ORC5: variants seen among roughly 807,000 people sequenced by gnomAD.
ORC5 encodes the protein origin recognition complex subunit 5.
ORC5 carries 39 observed loss-of-function variants against 58.8 expected under a neutral mutation model. That is an observed-to-expected ratio of 0.66 (90% confidence interval 0.51 to 0.87). The LOEUF is 0.87. ORC5 is among the 40% of genes least tolerant of loss of function. The pLI is 0.00. For missense variants in ORC5, 493 were observed against 506.3 expected, an observed-to-expected ratio of 0.97 and a Z score of 0.25; for synonymous variants, 218 against 177.6, an observed-to-expected ratio of 1.23 and a Z score of -1.81.
intron 12 of ORC5, among the ~76,000 whole-genome samples, chr7:104,141,171 G>C (rs2115770311): frequency 6.6e-6 from 1 of 152,258 alleles, no homozygotes; most frequent in East Asian, 1.9e-4. Flanking sequence ...AGGATGATCT[G>C]CAAAATAGTC....
intron 6 of ORC5, chr7:104,184,427 C>G (rs947447198): frequency 1.0e-5 from 4 of 387,898 alleles, no homozygotes; most frequent in Non-Finnish European, 1.8e-5. Context: ...CCACTGCACT[C>G]CAGCCTGGAC....
intron 11 of ORC5, among the ~76,000 whole-genome samples, chr7:104,162,235 C>A (rs972337776): frequency 6.6e-6 from 1 of 152,138 alleles, no homozygotes; most frequent in Non-Finnish European, 1.5e-5. Context: ...TACAGTGACA[C>A]GATCTTGGCT....
At position 104,205,084 on chromosome 7, in the gene ORC5, C is replaced by CTTTTTTTTTTT. The variant is rs769195880; in HGVS notation, c.73-851_73-850insAAAAAAAAAAA. On this transcript the variant is annotated intron_variant, in intron 1 of 13. Transcript: ENST00000297431. Reference sequence around the variant, plus strand: ...GGGAAAACTTGATTTTTTAATAATACTCTTTTTTTTTTTTTTTTTTTTTGA... The same window carrying CTTTTTTTTTTT: ...GGGAAAACTTGATTTTTTAATAATACTTTTTTTTTTTTCTTTTTTTTTTTTTTTTTTTTTGA... 6.4e-4 allele frequency among the ~76,000 whole-genome samples: 66 copies of CTTTTTTTTTTT among 102,368 alleles called. 2 individuals carry two copies. Among genetic ancestry groups the CTTTTTTTTTTT allele is most frequent in the African/African-American group, 2.0e-3 (59 of 29,316 alleles). The allele number at this position is 102,368 out of a possible 152,430, so 67.2% of individuals were successfully genotyped here.
At chr7:104,160,980 T>C (rs893582827) in intron 12 of ORC5, 92 bp downstream of exon 12, 11 of 760,460 alleles carry the variant, frequency 1.4e-5, no homozygotes, top group Non-Finnish European at 2.3e-5. Flanking sequence ...TAACATATGT[T>C]GAACAAAAAT....
intron 12 of ORC5, among the ~76,000 whole-genome samples, chr7:104,142,093 A>C (rs1798683028): frequency 6.6e-6 from 1 of 152,168 alleles, no homozygotes; most frequent in Non-Finnish European, 1.5e-5. Context: ...CACACATATA[A>C]GGTCAACTAA....
chr7:104,196,207 G>T (rs555151910), intron 4 of ORC5, among the ~76,000 whole-genome samples: 2 of 136,982 alleles, frequency 1.5e-5, no homozygotes, highest in East Asian at 4.3e-4. Context: ...GCATAAGGAG[G>T]AAAAAACAGG....
chr7:104,136,709 C>CTAA lies in ORC5; in HGVS notation c.1262+69_1262+71dup. ...ATTTTTTCATGTTTAAATGTCATGA[C>CTAA]TAATGACATCACATTTGGAAAACAC... On this transcript the variant is annotated intron_variant, in intron 13 of 13. Transcript: ENST00000297431. This position sits in a 1 kb window ranked among gnomAD's most constrained non-coding sequence, Gnocchi z 4.2. The CTAA allele has an allele frequency of 1.1e-6, 1 of 942,960 alleles. No individual in the cohort carries two copies. The highest frequency in any genetic ancestry group is 1.7e-6 in the Non-Finnish European group (1 of 588,428). 58.4% of individuals were successfully genotyped at this position (942,960 alleles called of 1,614,324 possible).
At chr7:104,164,069 C>A (rs887110148) in intron 11 of ORC5, among the ~76,000 whole-genome samples, 1 of 152,056 alleles carries the variant, frequency 6.6e-6, no homozygotes, top group Non-Finnish European at 1.5e-5. Flanking sequence ...ATCATTTATC[C>A]ATTTTGCTAT....
intron 6 of ORC5, among the ~76,000 whole-genome samples, chr7:104,185,792 T>TA (rs898722304): frequency 8.6e-5 from 13 of 151,564 alleles, no homozygotes; most frequent in Middle Eastern, 3.4e-3. Context: ...TCCATTTATT[T>TA]AAAAAAAATA....
At chr7:104,196,724 A>T (rs1799808770) in intron 4 of ORC5, among the ~76,000 whole-genome samples, 1 of 152,166 alleles carries the variant, frequency 6.6e-6, no homozygotes, top group African/African-American at 2.4e-5. Flanking sequence ...ACAAACATAA[A>T]ATTAGGTAGG....
chr7:104,175,692 CATAA>C (rs1799308477), intron 8 of ORC5, among the ~76,000 whole-genome samples: 3 of 152,110 alleles, frequency 2.0e-5, no homozygotes, highest in Admixed American at 1.3e-4. Flanking sequence ...CTCTGTCTGG[CATAA>C]AAATGGCTTT....
intron 6 of ORC5, among the ~76,000 whole-genome samples, chr7:104,186,482 A>AG (rs2115990897): frequency 6.6e-6 from 1 of 152,318 alleles, no homozygotes; most frequent in South Asian, 2.1e-4. Context: ...TTAAAAAGGC[A>AG]GTATCATAAG....
chr7:104,201,097 A>C, intron 2 of ORC5, 139 bp from the exon 3 acceptor site: 1 of 658,562 alleles, frequency 1.5e-6, no homozygotes, highest in East Asian at 2.7e-5. Flanking sequence ...CCTGACAGCT[A>C]CAGAATTACA....
chr7:104,140,539 C>T (rs150556536), intron 12 of ORC5, among the ~76,000 whole-genome samples: 3 of 152,242 alleles, frequency 2.0e-5, no homozygotes, highest in Non-Finnish European at 4.4e-5. Flanking sequence ...TGGGGGATCA[C>T]AGAATGTGAT....
rs766502262 is a variant in ORC5 at position 104,200,949 on chromosome 7, CAT to C, written c.173_174del (p.His58ArgfsTer7). ...AAGCATTCAACACAATTCACAAACACATGTGGGAGCTGAAAACGAAAACCAAA... is the reference window on the plus strand; with the variant it reads ...AAGCATTCAACACAATTCACAAACACGTGGGAGCTGAAAACGAAAACCAAA... ...QTLLKTLELP[H>X]VFVNCVECFT... On this transcript the variant is annotated frameshift_variant, in exon 3 of 14. Coordinates refer to ENST00000297431, the MANE Select transcript of ORC5 (RefSeq NM_002553.4). LOFTEE classifies it high-confidence loss of function. The C allele has an allele frequency of 6.2e-7, 1 of 1,612,316 alleles. No homozygotes were observed. The highest frequency in any genetic ancestry group is 8.5e-7 in the Non-Finnish European group (1 of 1,178,996).
At chr7:104,168,599 T>C in intron 8 of ORC5, 74 bp from the exon 9 acceptor site, 1 of 820,790 alleles carries the variant, frequency 1.2e-6, no homozygotes, top group East Asian at 2.7e-5. Context: ...AACAGAGCCC[T>C]AGAAAAACTA....
intron 3 of ORC5, among the ~76,000 whole-genome samples, chr7:104,199,393 T>G (rs1312402418): frequency 6.6e-6 from 1 of 152,218 alleles, no homozygotes; most frequent in Non-Finnish European, 1.5e-5. Context: ...GTGGGCTGGA[T>G]GTGAGGCATG....
At chr7:104,137,684 T>C (rs1798611832) in intron 12 of ORC5, among the ~76,000 whole-genome samples, 1 of 151,720 alleles carries the variant, frequency 6.6e-6, no homozygotes, top group South Asian at 2.1e-4. Context: ...CACCAGCAGA[T>C]GCCAGCAGGC....
At chr7:104,181,540 C>T (rs1799430176) in intron 8 of ORC5, among the ~76,000 whole-genome samples, 1 of 152,004 alleles carries the variant, frequency 6.6e-6, no homozygotes, top group Non-Finnish European at 1.5e-5. Flanking sequence ...AATCCCAGCA[C>T]TTTGGGAGGC....
Sources: allele counts gnomAD v4.1 joint callset (sites outside exome capture counted in the v4.1 genomes callset), GRCh38; gene constraint gnomAD v4.1.1; non-coding constraint Gnocchi (gnomAD v3.1); transcripts MANE v1.5; gene names NCBI Gene and HGNC (gene_info 2026-07-23, HGNC 2026-07-21).